The following DEAF1 variants were observed in gnomAD, a reference collection of about 807,000 sequenced individuals.
The protein encoded by DEAF1 is deformed epidermal autoregulatory factor 1 homolog.
In DEAF1, 53 loss-of-function variants were observed where a neutral mutation model predicts 58.9. The observed-to-expected ratio is 0.90, with a 90% CI of 0.72 to 1.13. The LOEUF (loss-of-function observed/expected upper bound fraction) is 1.13, where lower values mean the gene tolerates loss of function less well. DEAF1 is among the 50% of genes most tolerant of loss of function. DEAF1 has a pLI of 0.00. For missense variants in DEAF1, 685 were observed against 791.4 expected, an observed-to-expected ratio of 0.87 and a Z score of 1.61; for synonymous variants, 385 against 340.4, an observed-to-expected ratio of 1.13 and a Z score of -1.44.
At chr11:697,377 A>C (rs1479131188), upstream of DEAF1, 1 of 152,268 alleles carries the variant, frequency 6.6e-6, no homozygotes, top group Non-Finnish European at 1.5e-5. Context: ...ATTCGTAGCC[A>C]CATTGTGATT....
At chr11:702,503 A>AT (rs1391169346) in intron 1 of DEAF1, among the ~76,000 whole-genome samples, 3 of 152,198 alleles carry the variant, frequency 2.0e-5, no homozygotes, top group Admixed American at 6.5e-5. Context: ...TGTTTGCTAA[A>AT]TACGCAGTTT....
intron 11 of DEAF1, among the ~76,000 whole-genome samples, chr11:652,589 G>T (rs1463123252): frequency 6.6e-6 from 1 of 151,976 alleles, no homozygotes; most frequent in African/African-American, 2.4e-5. Flanking sequence ...AGTGAGCCGA[G>T]ATCTTGCCAC....
intron 10 of DEAF1, among the ~76,000 whole-genome samples, chr11:655,201 A>T (rs1858983512): frequency 6.6e-6 from 1 of 152,142 alleles, no homozygotes; most frequent in Admixed American, 6.5e-5. Context: ...GGCTGTGGGC[A>T]TCAGCCTGGG....
intron 2 of DEAF1, among the ~76,000 whole-genome samples, chr11:689,202 CTTTTTTTTTTTTT>C (rs34046317): frequency 2.1e-5 from 2 of 94,182 alleles, no homozygotes; most frequent in African/African-American, 8.0e-5. Flanking sequence ...TTTTCTTTTT[CTTTTTTTTTTTTT>C]TTTTTTTTGA....
chr11:691,480 G>T, intron 2 of DEAF1, 21 bp downstream of exon 2: 1 of 1,608,670 alleles, frequency 6.2e-7, no homozygotes, highest in Non-Finnish European at 8.5e-7. Context: ...GCCCTGGGCT[G>T]TGCCCCTCGG....
intron 4 of DEAF1, among the ~76,000 whole-genome samples, chr11:687,493 G>A (rs1330179727): frequency 1.3e-5 from 2 of 152,150 alleles, no homozygotes; most frequent in Non-Finnish European, 2.9e-5. Flanking sequence ...TTGTTTTTTT[G>A]TTGTCGTTGT....
intron 5 of DEAF1, 28 bp downstream of exon 5, chr11:686,830 T>G (rs777206245): frequency 1.2e-6 from 2 of 1,613,808 alleles, no homozygotes; most frequent in South Asian, 2.2e-5. Context: ...AACTGTGTGC[T>G]GAGCACAGGT....
chr11:689,202 C>CTTT (rs34046317), intron 2 of DEAF1, among the ~76,000 whole-genome samples: 15 of 94,178 alleles, frequency 1.6e-4, no homozygotes, highest in Non-Finnish European at 1.9e-4. Context: ...TTTTCTTTTT[C>CTTT]TTTTTTTTTT....
intron 10 of DEAF1, among the ~76,000 whole-genome samples, chr11:671,139 A>G (rs1365693281): frequency 6.6e-5 from 10 of 151,662 alleles, no homozygotes; most frequent in African/African-American, 2.4e-4. Flanking sequence ...CATGTTAGCC[A>G]GGATGGTCTC....
intron 11 of DEAF1, among the ~76,000 whole-genome samples, chr11:645,068 C>T (rs1310921108): frequency 6.7e-6 from 1 of 149,602 alleles, no homozygotes; most frequent in Non-Finnish European, 1.5e-5. Context: ...GAAGCTGAGG[C>T]AGGAGAACTG....
chr11:671,521 G>A (rs548416690), intron 10 of DEAF1, among the ~76,000 whole-genome samples: 1 of 151,710 alleles, frequency 6.6e-6, no homozygotes, highest in African/African-American at 2.4e-5. Flanking sequence ...TGTGCCCAGT[G>A]AAAAAGTATT....
At chr11:658,427 T>TCAAAAA (rs1859165466) in intron 10 of DEAF1, among the ~76,000 whole-genome samples, 1 of 152,188 alleles carries the variant, frequency 6.6e-6, no homozygotes, top group Non-Finnish European at 1.5e-5. Flanking sequence ...AGACTCTGTC[T>TCAAAAA]CAAAAACAAA....
At chr11:662,875 C>T (rs1299002866) in intron 10 of DEAF1, among the ~76,000 whole-genome samples, 2 of 152,182 alleles carry the variant, frequency 1.3e-5, no homozygotes, top group African/African-American at 2.4e-5. Flanking sequence ...GCCCTCAGCA[C>T]GGCAGCAGGG....
intron 11 of DEAF1, among the ~76,000 whole-genome samples, chr11:651,672 G>T (rs938102607): frequency 6.6e-6 from 1 of 152,138 alleles, no homozygotes; most frequent in Non-Finnish European, 1.5e-5. Context: ...AGATCACAAG[G>T]TCAGGAGATC....
intron 1 of DEAF1, chr11:693,617 C>T (rs950489034): frequency 2.0e-5 from 3 of 152,296 alleles, no homozygotes; most frequent in Non-Finnish European, 2.9e-5. Flanking sequence ...GGGGGACACT[C>T]GGGAACTCCA....
intron 6 of DEAF1, among the ~76,000 whole-genome samples, chr11:684,057 T>C (rs972625782): frequency 1.3e-5 from 2 of 152,106 alleles, no homozygotes; most frequent in African/African-American, 4.8e-5. Context: ...GAAATCTATA[T>C]ATCAACTACA....
chr11:695,715 C>T, upstream of DEAF1: 3 of 1,241,072 alleles, frequency 2.4e-6, no homozygotes, highest in Non-Finnish European at 2.0e-6. Context: ...GCTCCCGAAA[C>T]GCGGCGCGGT....
At chr11:645,689 G>C (rs1858458613) in intron 11 of DEAF1, among the ~76,000 whole-genome samples, 2 of 152,152 alleles carry the variant, frequency 1.3e-5, no homozygotes, top group Non-Finnish European at 2.9e-5. Context: ...GAAAGGAGGT[G>C]GGGGATGGTG....
At chr11:693,831 G>A (rs7114191) in intron 1 of DEAF1, among the ~76,000 whole-genome samples, 104,977 of 152,118 alleles carry the variant, frequency 0.69, 36,385 homozygotes, top group East Asian at 0.93. Context: ...ATATAAAAAT[G>A]TGGACTGGAA....
Sources: allele counts gnomAD v4.1 joint callset (sites outside exome capture counted in the v4.1 genomes callset), GRCh38; gene constraint gnomAD v4.1.1; transcripts MANE v1.5; gene names NCBI Gene and HGNC (gene_info 2026-07-23, HGNC 2026-07-21).